The following PAFAH1B3 variants were observed in gnomAD, a reference collection of about 807,000 sequenced individuals.
PAFAH1B3 encodes the protein platelet-activating factor acetylhydrolase IB subunit alpha1.
PAFAH1B3 carries 15 observed loss-of-function variants against 24.4 expected under a neutral mutation model. The ratio of observed to expected loss-of-function variants is 0.62; its 90% CI spans 0.41 to 0.95. The LOEUF is 0.95. Among genes scored for constraint, PAFAH1B3 ranks in the 40% least tolerant of loss-of-function variants. The pLI is 0.00. For synonymous variants in PAFAH1B3, 144 were observed against 126.5 expected (o/e 1.14, Z -0.93); for missense variants, 266 against 312.2 (o/e 0.85, Z 1.12).
chr19:42,298,480 ACT>A (rs1329523689), intron 4 of PAFAH1B3, among the ~76,000 whole-genome samples: 1 of 152,076 alleles, frequency 6.6e-6, no homozygotes, highest in African/African-American at 2.4e-5. Flanking sequence ...ACAGAGCAAG[ACT>A]CTGTCCCAAA....
At chr19:42,299,923 T>C in intron 4 of PAFAH1B3, 47 bp downstream of exon 4, 1 of 1,610,112 alleles carries the variant, frequency 6.2e-7, no homozygotes, top group Non-Finnish European at 8.5e-7. Flanking sequence ...TCTGAGGGGG[T>C]CCCAGACCAC....
At chr19:42,300,799 G>A (rs1182032606) in intron 2 of PAFAH1B3, among the ~76,000 whole-genome samples, 2 of 151,808 alleles carry the variant, frequency 1.3e-5, no homozygotes, top group East Asian at 1.9e-4. Flanking sequence ...GATTACAGGC[G>A]TGAGCCCATG....
chr19:42,299,876 T>A, intron 4 of PAFAH1B3, 94 bp downstream of exon 4: 2 of 1,518,536 alleles, frequency 1.3e-6, no homozygotes, highest in Non-Finnish European at 1.8e-6. Flanking sequence ...CACTGCTCTA[T>A]GTCAAGCTGC....
Position 42,302,528 on chromosome 19 carries a change from T to G in PAFAH1B3, c.-219A>C. The G allele has an allele frequency of 1.4e-5, 7 of 506,300 alleles. No homozygotes were observed. Among genetic ancestry groups the G allele is most frequent in the Admixed American group, 3.8e-5 (1 of 26,236 alleles). 31.4% of individuals were successfully genotyped at this position (506,300 alleles called of 1,614,324 possible). ...GGTAGGTGGAATCAGGAACCTTCGCTTCCCCCACGACGGCCGCACAGTGGG... is the reference window on the plus strand; with the variant it reads ...GGTAGGTGGAATCAGGAACCTTCGCGTCCCCCACGACGGCCGCACAGTGGG... On this transcript the variant is annotated 5_prime_UTR_variant, in exon 1 of 5. Coordinates refer to ENST00000262890, the MANE Select transcript of PAFAH1B3 (RefSeq NM_002573.4).
At position 42,300,293 on chromosome 19, in the gene PAFAH1B3, G is replaced by T; in HGVS notation, c.169-6C>A. On this transcript the variant is annotated splice_region_variant and splice_polypyrimidine_tract_variant and intron_variant, in intron 2 of 4. Coordinates refer to ENST00000262890, the MANE Select transcript of PAFAH1B3 (RefSeq NM_002573.4). ...GAGAAGAGCTCGCGCCAGATCTGTG[G>T]GCAAGAAGTGGTGTGGGCAAGAAGT... 1 of 1,613,010 alleles carries T rather than the reference G, an allele frequency of 6.2e-7. No individual in the cohort carries two copies. Among genetic ancestry groups the T allele is most frequent in the Non-Finnish European group, 8.5e-7 (1 of 1,179,026 alleles).
intron 2 of PAFAH1B3, among the ~76,000 whole-genome samples, chr19:42,300,681 C>A (rs1206788612): frequency 6.6e-6 from 1 of 152,126 alleles, no homozygotes; most frequent in East Asian, 1.9e-4. Context: ...CCACGTCCAG[C>A]TAATTTTTTG....
At chr19:42,299,870 G>A in intron 4 of PAFAH1B3, 100 bp downstream of exon 4, 4 of 1,475,224 alleles carry the variant, frequency 2.7e-6, no homozygotes, top group Non-Finnish European at 3.7e-6. Flanking sequence ...AAAAGCCACT[G>A]CTCTATGTCA....
In PAFAH1B3 at chr19:42,300,224, G is replaced by C. The variant is rs779788168; in HGVS notation, c.232C>G (p.Gln78Glu). Reference sequence around the variant, plus strand: ...TTCTCCAGCCGCCACAGTACATGCTGTGTGCCGTCACCACCAATGCCAAAG... The same window carrying C: ...TTCTCCAGCCGCCACAGTACATGCTCTGTGCCGTCACCACCAATGCCAAAG... ...LNFGIGGDGT[Q>E]HVLWRLENGE... Residue 78 changes from glutamine to glutamate, a missense_variant, in exon 3 of 5, where the codon CAG (glutamine) becomes GAG (glutamate). Transcript: ENST00000262890. 18 of 1,614,126 alleles carry C rather than the reference G, an allele frequency of 1.1e-5. No individual in the cohort carries two copies. In the South Asian group the frequency reaches 1.6e-4, roughly 15 times the overall value.
rs1027941246 is a variant in PAFAH1B3, at chr19:42,302,428, C to G, written c.-119G>C. Reference sequence around the variant, plus strand: ...GCGGCAACAAAGGACCGTCCCAACGCTAGCACACCCGCGGAGGACGAAGGC... The same window carrying G: ...GCGGCAACAAAGGACCGTCCCAACGGTAGCACACCCGCGGAGGACGAAGGC... On this transcript the variant is annotated 5_prime_UTR_variant, in exon 1 of 5. Coordinates refer to ENST00000262890, the MANE Select transcript of PAFAH1B3 (RefSeq NM_002573.4). 2.0e-5 allele frequency: 17 copies of G among 871,234 alleles called. No individual in the cohort carries two copies. In the East Asian group the frequency reaches 4.0e-4, roughly 21 times the overall value. The allele number at this position is 871,234 out of a possible 1,614,324, so 54.0% of individuals were successfully genotyped here.
downstream of PAFAH1B3, chr19:42,297,034 A>G (rs552766466): frequency 1.3e-6 from 2 of 1,570,124 alleles, no homozygotes; most frequent in Admixed American, 1.7e-5. Flanking sequence ...GAAACAGCAC[A>G]CTGAGGAAGG....
intron 1 of PAFAH1B3, 47 bp downstream of exon 1, chr19:42,302,185 C>A (rs1486513546): frequency 4.6e-6 from 7 of 1,524,824 alleles, no homozygotes; most frequent in Non-Finnish European, 6.2e-6. Context: ...TCCTGAGCCA[C>A]CCCCCGCGCC....
intron 4 of PAFAH1B3, among the ~76,000 whole-genome samples, chr19:42,297,879 C>T (rs1298312893): frequency 3.9e-5 from 6 of 152,028 alleles, no homozygotes. Context: ...GGCCTAGCCT[C>T]TTTCCAAGTA....
intron 2 of PAFAH1B3, among the ~76,000 whole-genome samples, chr19:42,300,822 T>C (rs1207717897): frequency 6.8e-6 from 1 of 146,534 alleles, no homozygotes; most frequent in Non-Finnish European, 1.5e-5. Flanking sequence ...GCCCAGCCTA[T>C]TTATTTTTTG....
Position 42,302,007 on chromosome 19 carries a change from C to T in PAFAH1B3, c.111G>A (p.Lys37=). 1 of 1,571,298 alleles carries T rather than the reference C, an allele frequency of 6.4e-7. No individual in the cohort carries two copies. ...HHRFVADSKD[K]EPEVVFIGDS... The stretch of plus-strand genomic sequence containing the variant: ...CCCCGATGAAGACGACTTCGGGTTC[C>T]TTATCTTTGCTGTCAGCCACGAACC... Residue 37 remains lysine, a synonymous_variant, in exon 2 of 5, where the codon AAG becomes AAA. Coordinates refer to ENST00000262890, the MANE Select transcript of PAFAH1B3 (RefSeq NM_002573.4).
intron 2 of PAFAH1B3, among the ~76,000 whole-genome samples, chr19:42,301,559 G>A (rs920483227): frequency 1.1e-4 from 16 of 152,180 alleles, no homozygotes; most frequent in African/African-American, 3.4e-4. Flanking sequence ...CATGCTTTGT[G>A]GAAAGATATT....
At chr19:42,302,090 C>T (rs1260503008) in intron 1 of PAFAH1B3, 51 bp from the exon 2 acceptor site, 1 of 1,519,348 alleles carries the variant, frequency 6.6e-7, no homozygotes, top group Admixed American at 2.0e-5. Flanking sequence ...CCAGGGCCCG[C>T]CCCGCCCTGC....
chr19:42,298,959 G>A (rs1277885022), intron 4 of PAFAH1B3, among the ~76,000 whole-genome samples: 7 of 150,054 alleles, frequency 4.7e-5, no homozygotes, highest in Non-Finnish European at 8.9e-5. Flanking sequence ...GACTACAGAC[G>A]CCTGCCACCA....
intron 4 of PAFAH1B3, among the ~76,000 whole-genome samples, chr19:42,298,890 T>G (rs1300031320): frequency 6.7e-6 from 1 of 148,168 alleles, no homozygotes; most frequent in Non-Finnish European, 1.5e-5. Context: ...CTCGGCTCAC[T>G]GCAAGCTCCG....
chr19:42,302,009 T>C lies in PAFAH1B3; in HGVS notation c.109A>G (p.Lys37Glu). The C allele has an allele frequency of 8.3e-6, 13 of 1,571,812 alleles. No homozygotes were observed. Among genetic ancestry groups the C allele is most frequent in the Non-Finnish European group, 1.0e-5 (12 of 1,158,720 alleles). Residue 37 changes from lysine to glutamate, a missense_variant, in exon 2 of 5, where the codon AAG becomes GAG. By Grantham distance (56) the Lys-to-Glu change is moderately conservative. Transcript: ENST00000262890. ...HHRFVADSKD[K>E]EPEVVFIGDS... is the part of the protein sequence containing the mutation. ...CCGATGAAGACGACTTCGGGTTCCT[T>C]ATCTTTGCTGTCAGCCACGAACCGA...
Sources: allele counts gnomAD v4.1 joint callset (sites outside exome capture counted in the v4.1 genomes callset), GRCh38; gene constraint gnomAD v4.1.1; transcripts MANE v1.5; gene names NCBI Gene and HGNC (gene_info 2026-07-23, HGNC 2026-07-21).